Variants in ROBO1 observed in about 807,000 individuals in gnomAD.
ROBO1 encodes the protein roundabout homolog 1.
A neutral mutation model predicts 195.9 loss-of-function variants in ROBO1; 149 were observed. The observed-to-expected ratio is 0.76, with a 90% CI of 0.67 to 0.87. ROBO1 has a LOEUF of 0.87. Ranked by LOEUF, ROBO1 falls within the 40% of genes least tolerant of loss-of-function variation. The pLI, the probability that ROBO1 is intolerant of heterozygous loss-of-function variation, is 0.00. For synonymous variants in ROBO1, 816 were observed against 733.2 expected (o/e 1.11, Z -1.82); for missense variants, 1,933 against 2,068.3 (o/e 0.93, Z 1.27).
intron 1 of ROBO1, among the ~76,000 whole-genome samples, chr3:79,761,946 T>G (rs748222150): frequency 6.6e-6 from 1 of 152,144 alleles, no homozygotes; most frequent in Non-Finnish European, 1.5e-5. Flanking sequence ...TATATTCTAT[T>G]GTAGTAATTC....
chr3:79,032,056 TG>T (rs1217100225), intron 3 of ROBO1, among the ~76,000 whole-genome samples: 1 of 152,106 alleles, frequency 6.6e-6, no homozygotes, highest in Non-Finnish European at 1.5e-5. Flanking sequence ...TATACTTATG[TG>T]TCATGAAATG....
chr3:78,634,033 G>T lies in ROBO1; in HGVS notation c.3383C>A (p.Ala1128Glu). ...EQNKLNKDYR[A>E]NDTVPPTIPY... Reference sequence around the variant, plus strand: ...GATAGTTGGAGGAACTGTGTCATTTGCTCGATAATCTAGACATATCAGATG... The same window carrying T: ...GATAGTTGGAGGAACTGTGTCATTTTCTCGATAATCTAGACATATCAGATG... The change falls in exon 24 of 31, where the codon GCA (alanine) becomes GAA (glutamate). Residue 1128 changes from alanine (A) to glutamate (E), a missense_variant. Physicochemically the swap from Ala to Glu is moderately radical, Grantham distance 107 (BLOSUM62 -1). Coordinates refer to ENST00000464233, the MANE Select transcript of ROBO1 (RefSeq NM_002941.4). The T allele has an allele frequency of 6.2e-7, 1 of 1,606,032 alleles. No individual in the cohort carries two copies. Among genetic ancestry groups the T allele is most frequent in the Non-Finnish European group, 8.5e-7 (1 of 1,174,152 alleles).
intron 1 of ROBO1, among the ~76,000 whole-genome samples, chr3:79,610,752 A>G (rs1944632716): frequency 1.3e-5 from 2 of 152,034 alleles, no homozygotes; most frequent in Admixed American, 6.6e-5. Context: ...ACTGACTTTA[A>G]ACATGAAGAG....
intron 2 of ROBO1, among the ~76,000 whole-genome samples, chr3:79,394,880 A>G (rs1399374841): frequency 1.3e-5 from 2 of 152,210 alleles, no homozygotes; most frequent in Non-Finnish European, 2.9e-5. Flanking sequence ...TTTGATATAC[A>G]AATTCTATTT....
chr3:79,332,959 T>C (rs763081175), intron 2 of ROBO1, among the ~76,000 whole-genome samples: 7 of 152,114 alleles, frequency 4.6e-5, no homozygotes, highest in Non-Finnish European at 5.9e-5. Flanking sequence ...CCCAGCACGT[T>C]GGGAGTCTGA....
intron 3 of ROBO1, among the ~76,000 whole-genome samples, chr3:79,013,205 C>A (rs2077830604): frequency 6.6e-6 from 1 of 152,054 alleles, no homozygotes; most frequent in Non-Finnish European, 1.5e-5. Context: ...TGAGGAGTAC[C>A]AATTACTTGC....
chr3:79,729,307 G>A lies in ROBO1; in HGVS notation c.-51+38445C>T, dbSNP rs140384057. ...TGGCCTAGCTCCAGGGAATGAAGTC[G>A]GCCTCTGGCTGAGGGAAAGTTAGAG... is the stretch of plus-strand genomic sequence containing the variant. On this transcript the variant is annotated intron_variant, in intron 1 of 30. Transcript: ENST00000464233. Among the ~76,000 whole-genome samples the A allele has an allele frequency of 4.9e-3, 745 of 152,200 alleles. 6 individuals are homozygous for A. Among genetic ancestry groups the A allele is most frequent in the East Asian group, 0.023 (121 of 5,170 alleles).
chr3:78,672,302 G>A (rs918164229), intron 10 of ROBO1, among the ~76,000 whole-genome samples: 5 of 152,026 alleles, frequency 3.3e-5, no homozygotes, highest in Admixed American at 6.6e-5. Context: ...AGATTTGGCC[G>A]GGCACTGGGG....
chr3:78,974,345 GA>G (rs941884296), intron 3 of ROBO1, among the ~76,000 whole-genome samples: 10 of 151,668 alleles, frequency 6.6e-5, no homozygotes, highest in African/African-American at 2.4e-4. Context: ...AAAAGAAGAA[GA>G]AAAAAAAGGA....
At chr3:79,686,193 A>G (rs1461526269) in intron 1 of ROBO1, among the ~76,000 whole-genome samples, 3 of 152,214 alleles carry the variant, frequency 2.0e-5, no homozygotes, top group African/African-American at 7.2e-5. Flanking sequence ...AAAACTCTCA[A>G]TAAATTAGGT....
Position 78,758,547 on chromosome 3 carries a change from AAATC to A in ROBO1, c.500-11651_500-11648del, listed in dbSNP as rs1173943707. Among the ~76,000 whole-genome samples the A allele has an allele frequency of 2.2e-3, 315 of 144,740 alleles. 2 individuals are homozygous for A. The highest frequency in any genetic ancestry group is 7.5e-3 in the African/African-American group (291 of 38,726). 95.0% of individuals were successfully genotyped at this position (144,740 alleles called of 152,430 possible). ...TCTCAAAAAAAAAAAAAAAAAAAAA[AAATC>A]CTCCTCAGGACATATTGGAAGCCAA... is the stretch of plus-strand genomic sequence containing the variant. On this transcript the variant is annotated intron_variant, in intron 4 of 30. Coordinates refer to ENST00000464233, the MANE Select transcript of ROBO1 (RefSeq NM_002941.4).
At chr3:78,941,423 G>C (rs1026638932) in intron 3 of ROBO1, among the ~76,000 whole-genome samples, 3 of 152,186 alleles carry the variant, frequency 2.0e-5, no homozygotes, top group Non-Finnish European at 1.5e-5. Context: ...TATGTTCTTG[G>C]CCTTTACCTT....
chr3:78,641,789 T>A (rs1225791776), intron 21 of ROBO1, among the ~76,000 whole-genome samples: 1 of 151,910 alleles, frequency 6.6e-6, no homozygotes, highest in Non-Finnish European at 1.5e-5. Flanking sequence ...TCTGATTCCC[T>A]CTGAAAAACA....
At chr3:79,563,414 A>G (rs189041453) in intron 2 of ROBO1, among the ~76,000 whole-genome samples, 2 of 152,156 alleles carry the variant, frequency 1.3e-5, no homozygotes, top group East Asian at 3.9e-4. Context: ...TGGGTTTAGT[A>G]ATTTATTCCT....
At chr3:79,598,840 T>A (rs1944256904) in intron 1 of ROBO1, among the ~76,000 whole-genome samples, 2 of 151,940 alleles carry the variant, frequency 1.3e-5, no homozygotes, top group Non-Finnish European at 2.9e-5. Flanking sequence ...ACAAAACAAC[T>A]CTGCTTCCAG....
At chr3:78,843,492 A>G (rs761236402) in intron 4 of ROBO1, among the ~76,000 whole-genome samples, 1 of 152,042 alleles carries the variant, frequency 6.6e-6, no homozygotes, top group Non-Finnish European at 1.5e-5. Flanking sequence ...CTGATGTTCC[A>G]TCACTTGGTT....
chr3:78,787,482 C>T (rs1031793648), intron 4 of ROBO1, among the ~76,000 whole-genome samples: 7 of 152,116 alleles, frequency 4.6e-5, no homozygotes, highest in Non-Finnish European at 7.3e-5. Flanking sequence ...ATGAGTTCAT[C>T]CAGGGTACAT....
intron 2 of ROBO1, among the ~76,000 whole-genome samples, chr3:79,362,519 C>G (rs993566309): frequency 1.3e-5 from 2 of 152,130 alleles, no homozygotes; most frequent in African/African-American, 4.8e-5. Flanking sequence ...AAAAGTATCT[C>G]TCTAGAAATG....
chr3:78,826,467 GGAAAAACCTGATGTTAGA>G (rs779796582), intron 4 of ROBO1, among the ~76,000 whole-genome samples: 2 of 152,096 alleles, frequency 1.3e-5, no homozygotes, highest in Non-Finnish European at 2.9e-5. Context: ...CAACTTCGGT[GGAAAAACCTGATGTTAGA>G]GATCAGTCAG....
Sources: allele counts gnomAD v4.1 joint callset (sites outside exome capture counted in the v4.1 genomes callset), GRCh38; gene constraint gnomAD v4.1.1; transcripts MANE v1.5; gene names NCBI Gene and HGNC (gene_info 2026-07-23, HGNC 2026-07-21).